ENPEP: variants seen among roughly 807,000 people sequenced by gnomAD.
ENPEP encodes AP-A.
Under a neutral mutation model 114.5 loss-of-function variants are expected in ENPEP, and 103 were observed. That is an observed-to-expected ratio of 0.90 (90% CI 0.77 to 1.06). ENPEP has a LOEUF of 1.06. Ranked by LOEUF, ENPEP falls within the 50% of genes least tolerant of loss-of-function variation. The probability of loss-of-function intolerance (pLI) is 0.00; values close to 1 mark genes in which losing one functional copy is unlikely to be tolerated. For synonymous variants in ENPEP, 420 were observed against 422.0 expected (o/e 1.00, Z 0.06); for missense variants, 1,196 against 1,161.3 (o/e 1.03, Z -0.43).
At chr4:110,551,202 G>A (rs1213069972) in intron 17 of ENPEP, among the ~76,000 whole-genome samples, 2 of 151,496 alleles carry the variant, frequency 1.3e-5, no homozygotes, top group African/African-American at 4.9e-5. Flanking sequence ...AAATTAGCAA[G>A]AACTTTAGAT....
chr4:110,559,070 A>C (rs1023595146), intron 18 of ENPEP: 12 of 152,416 alleles, frequency 7.9e-5, no homozygotes, highest in Non-Finnish European at 1.3e-4. Flanking sequence ...GTGGGTAATT[A>C]GTTCTCACTA....
At chr4:110,519,752 G>A (rs1389704746) in intron 8 of ENPEP, among the ~76,000 whole-genome samples, 1 of 151,710 alleles carries the variant, frequency 6.6e-6, no homozygotes, top group African/African-American at 2.4e-5. Flanking sequence ...TTTTTTTAAG[G>A]CTCATAAACT....
Position 110,549,333 on chromosome 4 carries a change from A to G in ENPEP, c.2152-13A>G. ...TAAATTGTTACTTATTGTACATAAT[A>G]CTTTTATTTCAGGAATACTTCCAAG... On this transcript the variant is annotated splice_polypyrimidine_tract_variant and intron_variant, in intron 14 of 19. Transcript: ENST00000265162. 6.2e-7 allele frequency: 1 copy of G among 1,605,630 alleles called. No individual in the cohort carries two copies. Among genetic ancestry groups the G allele is most frequent in the East Asian group, 2.2e-5 (1 of 44,798 alleles).
Position 110,476,378 on chromosome 4 carries a change from A to G in ENPEP, c.-37A>G, listed in dbSNP as rs762680348. The G allele has an allele frequency of 4.0e-6, 6 of 1,497,698 alleles. No individual in the cohort carries two copies. The East Asian group carries it at 9.2e-5, about 23-fold the overall frequency. 92.8% of individuals were successfully genotyped at this position (1,497,698 alleles called of 1,614,324 possible). A position where few individuals can be genotyped will look rare whatever the true frequency, so the allele number is the denominator to read the frequency against. ...CTGACGTTAGTTAGTTAAATTTAACATCTTTTTATGTGTAACACTTGACTT... is the reference window on the plus strand; with the variant it reads ...CTGACGTTAGTTAGTTAAATTTAACGTCTTTTTATGTGTAACACTTGACTT... On this transcript the variant is annotated 5_prime_UTR_variant, in exon 1 of 20. Coordinates refer to ENST00000265162, the MANE Select transcript of ENPEP (RefSeq NM_001977.4).
At chr4:110,518,045 T>C (rs1296276973) in intron 8 of ENPEP, among the ~76,000 whole-genome samples, 2 of 152,210 alleles carry the variant, frequency 1.3e-5, no homozygotes, top group Non-Finnish European at 2.9e-5. Flanking sequence ...AGTGACTCTT[T>C]ATTAGCTAAC....
intron 10 of ENPEP, among the ~76,000 whole-genome samples, chr4:110,524,726 T>C (rs1726131042): frequency 6.6e-6 from 1 of 152,192 alleles, no homozygotes; most frequent in South Asian, 2.1e-4. Context: ...AATTCCAGTA[T>C]GTCATTTTCT....
At chr4:110,490,596 C>T (rs1724669051) in intron 2 of ENPEP, among the ~76,000 whole-genome samples, 1 of 152,292 alleles carries the variant, frequency 6.6e-6, no homozygotes, top group African/African-American at 2.4e-5. Flanking sequence ...TTGATGTAGA[C>T]AACCAAAGAC....
intron 18 of ENPEP, 60 bp from the exon 19 acceptor site, chr4:110,559,587 A>G: frequency 1.7e-6 from 2 of 1,192,390 alleles, no homozygotes; most frequent in Admixed American, 2.0e-5. Flanking sequence ...ATCTGCATTT[A>G]GAGAAAATAT....
At chr4:110,541,542 CTAAAT>C (rs1726845773) in intron 11 of ENPEP, among the ~76,000 whole-genome samples, 1 of 152,132 alleles carries the variant, frequency 6.6e-6, no homozygotes, top group Non-Finnish European at 1.5e-5. Flanking sequence ...ACAGTGGACT[CTAAAT>C]TAGTCTTCTT....
intron 3 of ENPEP, among the ~76,000 whole-genome samples, chr4:110,495,616 G>A (rs1724898446): frequency 6.6e-6 from 1 of 152,158 alleles, no homozygotes; most frequent in Non-Finnish European, 1.5e-5. Flanking sequence ...AGCTACTCGG[G>A]AGGCTCAGGC....
chr4:110,476,375 A>C lies in ENPEP; in HGVS notation c.-40A>C. ...CTGCTGACGTTAGTTAGTTAAATTT[A>C]ACATCTTTTTATGTGTAACACTTGA... On this transcript the variant is annotated 5_prime_UTR_variant, in exon 1 of 20. Coordinates refer to ENST00000265162, the MANE Select transcript of ENPEP (RefSeq NM_001977.4). 6.7e-7 allele frequency: 1 copy of C among 1,497,194 alleles called. No homozygotes were observed. Among genetic ancestry groups the C allele is most frequent in the South Asian group, 1.4e-5 (1 of 70,098 alleles). 92.7% of individuals were successfully genotyped at this position (1,497,194 alleles called of 1,614,324 possible).
intron 13 of ENPEP, among the ~76,000 whole-genome samples, chr4:110,543,859 T>A (rs1434930411): frequency 6.6e-6 from 1 of 152,048 alleles, no homozygotes; most frequent in African/African-American, 2.4e-5. Flanking sequence ...ATCCTTCTTA[T>A]GGGACCCTAT....
At chr4:110,512,972 G>T (rs1247880565) in intron 6 of ENPEP, 2 of 153,270 alleles carry the variant, frequency 1.3e-5, no homozygotes, top group Non-Finnish European at 2.9e-5. Flanking sequence ...TAATTATGAA[G>T]TATCCAAATT....
At chr4:110,546,094 A>G (rs906471506) in intron 13 of ENPEP, among the ~76,000 whole-genome samples, 1 of 152,024 alleles carries the variant, frequency 6.6e-6, no homozygotes, top group East Asian at 1.9e-4. Flanking sequence ...TGTACTCAGT[A>G]TACTGACAGC....
chr4:110,483,669 AG>A (rs1487521834), intron 1 of ENPEP, among the ~76,000 whole-genome samples: 1 of 152,224 alleles, frequency 6.6e-6, no homozygotes, highest in Non-Finnish European at 1.5e-5. Flanking sequence ...AATGTGGCAT[AG>A]GGAGGCCCTT....
chr4:110,487,426 A>G (rs998837696), intron 1 of ENPEP, among the ~76,000 whole-genome samples: 4 of 152,194 alleles, frequency 2.6e-5, no homozygotes, highest in African/African-American at 9.6e-5. Context: ...GACTTTTTTC[A>G]CTGTCATAAT....
rs764743383 is a variant in ENPEP at position 110,542,857 on chromosome 4, G to A, written c.1914G>A (p.Ser638=). Residue 638 remains serine (S), a synonymous_variant, in exon 12 of 20, where the codon TCG becomes TCA. Transcript: ENST00000265162. ...RVNYEVATWD[S]IATALSLNHK... Reference sequence around the variant, plus strand: ...ATTATGAAGTAGCAACTTGGGACTCGATAGCTACAGCGCTCTCCTTGAACC... The same window carrying A: ...ATTATGAAGTAGCAACTTGGGACTCAATAGCTACAGCGCTCTCCTTGAACC... 4.4e-5 allele frequency: 71 copies of A among 1,613,020 alleles called. No homozygotes were observed. The highest frequency in any genetic ancestry group is 5.2e-5 in the Non-Finnish European group (61 of 1,179,396).
intron 3 of ENPEP, 97 bp downstream of exon 3, chr4:110,491,261 A>G (rs550001094): frequency 9.7e-5 from 119 of 1,222,928 alleles, no homozygotes; most frequent in Non-Finnish European, 1.3e-4. Context: ...TTCAAACAAC[A>G]TGCCTGAAAA....
chr4:110,531,321 C>T, intron 11 of ENPEP, 44 bp downstream of exon 11: 1 of 1,321,440 alleles, frequency 7.6e-7, no homozygotes, highest in South Asian at 1.7e-5. Context: ...AATTGATGTA[C>T]CACATTAAAC....
Sources: gnomAD v4.1 joint callset for allele counts (sites outside exome capture counted in the v4.1 genomes callset) on GRCh38, gnomAD v4.1.1 for gene constraint, MANE v1.5 for transcripts, NCBI Gene and HGNC (gene_info 2026-07-23, HGNC 2026-07-21) for gene names.